Variants in GLIS1 observed in about 807,000 individuals in gnomAD.
GLIS1 encodes GLIS family zinc finger 1, also known as zinc finger protein GLIS1.
In GLIS1, 24 loss-of-function variants were observed where a neutral mutation model predicts 63.8. That is an observed-to-expected ratio of 0.38 (90% CI 0.27 to 0.53). The LOEUF (loss-of-function observed/expected upper bound fraction) is 0.53, where lower values mean the gene tolerates loss of function less well. Among genes scored for constraint, GLIS1 ranks in the 20% least tolerant of loss-of-function variants. The probability of loss-of-function intolerance (pLI) is 0.85; values close to 1 mark genes in which losing one functional copy is unlikely to be tolerated. For synonymous variants in GLIS1, 450 were observed against 482.5 expected (o/e 0.93, Z 0.88); for missense variants, 1,036 against 1,074.1 (o/e 0.96, Z 0.50).
Position 53,615,815 on chromosome 1 carries a change from T to C in GLIS1, c.260-15537A>G, listed in dbSNP as rs188415766. Among the ~76,000 whole-genome samples the C allele has an allele frequency of 7.2e-3, 1,089 of 152,144 alleles. 15 individuals carry two copies. Among genetic ancestry groups the C allele is most frequent in the African/African-American group, 0.024 (989 of 41,496 alleles). ...CAGGCTGGAGTGGGATGGCACCATCTCGGCTCACTGCAACCTCCACCTCCT... is the reference window on the plus strand; with the variant it reads ...CAGGCTGGAGTGGGATGGCACCATCCCGGCTCACTGCAACCTCCACCTCCT... On this transcript the variant is annotated intron_variant, in intron 2 of 10. Coordinates refer to ENST00000628545, the MANE Select transcript of GLIS1 (RefSeq NM_001367484.1).
chr1:53,638,034 T>A (rs1645745304), intron 2 of GLIS1, among the ~76,000 whole-genome samples: 1 of 152,110 alleles, frequency 6.6e-6, no homozygotes, highest in Non-Finnish European at 1.5e-5. Context: ...AACGTTATAA[T>A]CCTGAGAGAG....
In GLIS1 at chr1:53,524,832, G is replaced by C; in HGVS notation, c.1538C>G (p.Ser513Cys). The C allele has an allele frequency of 6.2e-7, 1 of 1,613,594 alleles. No homozygotes were observed. The highest frequency in any genetic ancestry group is 1.3e-5 in the African/African-American group (1 of 75,044). Residue 513 changes from serine (S) to cysteine (C), a missense_variant, in exon 6 of 11, where the codon TCC becomes TGC. By Grantham distance (112) the Ser-to-Cys change is moderately radical. Coordinates refer to ENST00000628545, the MANE Select transcript of GLIS1 (RefSeq NM_001367484.1). ...GCSKRYTDPSSLRKHVKAHSA... is the reference protein window; with the variant it reads ...GCSKRYTDPSCLRKHVKAHSA... Reference sequence around the variant, plus strand: ...ATGGGCCTTGACGTGCTTGCGGAGGGAGCTGGGGTCTGTGTAGCGCTTGGA... The same window carrying C: ...ATGGGCCTTGACGTGCTTGCGGAGGCAGCTGGGGTCTGTGTAGCGCTTGGA...
intron 4 of GLIS1, among the ~76,000 whole-genome samples, chr1:53,534,294 G>A (rs749895908): frequency 2.0e-5 from 3 of 152,010 alleles, no homozygotes; most frequent in South Asian, 2.1e-4. Context: ...ATGGCACCAC[G>A]ACCCGAGGGC....
At chr1:53,612,874 A>G (rs982667293) in intron 2 of GLIS1, among the ~76,000 whole-genome samples, 2 of 146,774 alleles carry the variant, frequency 1.4e-5, no homozygotes, top group Non-Finnish European at 3.0e-5. Flanking sequence ...GCTGGAGTGC[A>G]GTGGCACGAT....
intron 2 of GLIS1, among the ~76,000 whole-genome samples, chr1:53,607,494 G>A (rs1474471981): frequency 6.6e-6 from 1 of 152,148 alleles, no homozygotes; most frequent in Non-Finnish European, 1.5e-5. Context: ...CAAAGTTGAT[G>A]GAGTGCCCAT....
chr1:53,509,250 G>GA lies in GLIS1; in HGVS notation c.2099dup (p.Tyr702LeufsTer9). 1 of 1,594,588 alleles carries GA rather than the reference G, an allele frequency of 6.3e-7. No individual in the cohort carries two copies. Among genetic ancestry groups the GA allele is most frequent in the Non-Finnish European group, 8.5e-7 (1 of 1,170,624 alleles). On this transcript the variant is annotated frameshift_variant, in exon 10 of 11. Transcript: ENST00000628545. LOFTEE classifies it high-confidence loss of function. ...CCATCCGGTAGCAGTCGCCATAGGG[G>GA]AAGCAACTCTGGATGGAGTGGAAAC... is the stretch of plus-strand genomic sequence containing the variant.
intron 2 of GLIS1, among the ~76,000 whole-genome samples, chr1:53,714,379 C>T (rs1187816441): frequency 6.6e-6 from 1 of 152,180 alleles, no homozygotes; most frequent in Non-Finnish European, 1.5e-5. Context: ...TGTAAATACC[C>T]TTTTATTGGA....
At chr1:53,708,961 C>T (rs1015263440) in intron 2 of GLIS1, among the ~76,000 whole-genome samples, 7 of 152,112 alleles carry the variant, frequency 4.6e-5, no homozygotes, top group African/African-American at 1.7e-4. Flanking sequence ...CTGGCTCCTC[C>T]ACTAGAATGT....
At chr1:53,686,637 G>A (rs1051152802) in intron 2 of GLIS1, among the ~76,000 whole-genome samples, 1 of 152,154 alleles carries the variant, frequency 6.6e-6, no homozygotes, top group Non-Finnish European at 1.5e-5. Flanking sequence ...GCTCATCTCT[G>A]GCCAGGGGAA....
intron 6 of GLIS1, among the ~76,000 whole-genome samples, chr1:53,521,055 GAGA>G (rs1188601022): frequency 6.6e-6 from 1 of 152,236 alleles, no homozygotes; most frequent in African/African-American, 2.4e-5. Flanking sequence ...CAAGGACTGA[GAGA>G]AGGAGGCAGG....
At chr1:53,596,596 C>T (rs938849887) in intron 3 of GLIS1, among the ~76,000 whole-genome samples, 5 of 152,170 alleles carry the variant, frequency 3.3e-5, no homozygotes, top group African/African-American at 7.2e-5. Flanking sequence ...GAGCTCTTAT[C>T]GCCATTCACC....
chr1:53,710,354 C>T (rs1002837604), intron 2 of GLIS1, among the ~76,000 whole-genome samples: 1 of 152,250 alleles, frequency 6.6e-6, no homozygotes, highest in African/African-American at 2.4e-5. Context: ...AATACGGTGG[C>T]CCTGGTCAGA....
chr1:53,580,216 G>A (rs565247015), intron 4 of GLIS1, among the ~76,000 whole-genome samples: 4 of 152,122 alleles, frequency 2.6e-5, no homozygotes, highest in Admixed American at 6.5e-5. Flanking sequence ...GCCATGAGCC[G>A]CAGAGCCCCT....
At chr1:53,632,261 G>A (rs540556816) in intron 2 of GLIS1, among the ~76,000 whole-genome samples, 24 of 150,542 alleles carry the variant, frequency 1.6e-4, no homozygotes, top group African/African-American at 5.9e-4. Flanking sequence ...GAGTGTGACT[G>A]AGGGGCATGT....
chr1:53,724,565 G>A (rs1332116563), intron 2 of GLIS1, among the ~76,000 whole-genome samples: 1 of 152,070 alleles, frequency 6.6e-6, no homozygotes, highest in Non-Finnish European at 1.5e-5. Context: ...TGTCACCCAG[G>A]CTGGAGTACA....
intron 2 of GLIS1, among the ~76,000 whole-genome samples, chr1:53,621,256 T>TC (rs976467007): frequency 8.6e-5 from 13 of 151,940 alleles, no homozygotes; most frequent in African/African-American, 2.9e-4. Flanking sequence ...TCATTCTGTA[T>TC]CCCCCCCAAG....
intron 2 of GLIS1, among the ~76,000 whole-genome samples, chr1:53,637,726 G>T (rs1569964040): frequency 1.3e-5 from 2 of 152,270 alleles, no homozygotes; most frequent in South Asian, 2.1e-4. Context: ...TGCAGGCTTT[G>T]GCTGGTGGCC....
chr1:53,715,349 G>C (rs1032986176), intron 2 of GLIS1, among the ~76,000 whole-genome samples: 1 of 152,180 alleles, frequency 6.6e-6, no homozygotes, highest in Non-Finnish European at 1.5e-5. Flanking sequence ...CCAGGCGGAG[G>C]GAGTGGGCCA....
At position 53,574,848 on chromosome 1, in the gene GLIS1, GC is replaced by G. The variant is rs1273689275; in HGVS notation, c.1320+19259del. Among the ~76,000 whole-genome samples the G allele has an allele frequency of 6.6e-6, 1 of 152,182 alleles. No homozygotes were observed. Among genetic ancestry groups the G allele is most frequent in the Non-Finnish European group, 1.5e-5 (1 of 68,040 alleles). On this transcript the variant is annotated intron_variant, in intron 4 of 10. Transcript: ENST00000628545. The surrounding 1 kb of genome is among the most constrained non-coding windows in gnomAD (Gnocchi z 4.2). ...GAGTTTAGTCAAGGTTTGGCCACAG[GC>G]CCGTTGGAGGGAGGATGTCTTCCCT...
Sources: gnomAD v4.1 joint callset for allele counts (sites outside exome capture counted in the v4.1 genomes callset) on GRCh38, gnomAD v4.1.1 for gene constraint, Gnocchi (gnomAD v3.1) non-coding constraint, MANE v1.5 for transcripts, NCBI Gene and HGNC (gene_info 2026-07-23, HGNC 2026-07-21) for gene names.